CFAP107: variants seen among roughly 807,000 people sequenced by gnomAD.
CFAP107 encodes the protein cilia- and flagella-associated protein 107.
the CFAP107 span, chr1:12,759,234 C>T: frequency 1.3e-6 from 2 of 1,524,916 alleles, no homozygotes; most frequent in Non-Finnish European, 1.8e-6. Context: ...CTACATGTGG[C>T]AGCTCCTGTC....
At chr1:12,755,533 G>T in the CFAP107 span, among the ~76,000 whole-genome samples, 1 of 152,166 alleles carries the variant, frequency 6.6e-6, no homozygotes, top group Non-Finnish European at 1.5e-5. Flanking sequence ...CCGGATGGCA[G>T]GCTCCCCGTC....
the CFAP107 span, chr1:12,760,843 G>A: frequency 6.2e-7 from 1 of 1,614,172 alleles, no homozygotes; most frequent in African/African-American, 1.3e-5. Flanking sequence ...GCCTGAAGCA[G>A]AGCACTTATA....
At chr1:12,751,613 C>T in the CFAP107 span, among the ~76,000 whole-genome samples, 590 of 152,018 alleles carry the variant, frequency 3.9e-3, 3 homozygotes, top group African/African-American at 0.014. Flanking sequence ...GGTGACAGAC[C>T]GAGACTCCAT....
the CFAP107 span, chr1:12,755,593 T>C: frequency 1.3e-6 from 1 of 771,090 alleles, no homozygotes; most frequent in Non-Finnish European, 2.3e-6. Context: ...GGGTTTATAT[T>C]TACCTTTTCC....
At chr1:12,760,031 T>C in the CFAP107 span, among the ~76,000 whole-genome samples, 1 of 152,102 alleles carries the variant, frequency 6.6e-6, no homozygotes, top group African/African-American at 2.4e-5. Flanking sequence ...CACAAATTCC[T>C]CCTTGGAAAA....
chr1:12,752,736 A>G, the CFAP107 span, among the ~76,000 whole-genome samples: 5 of 152,070 alleles, frequency 3.3e-5, no homozygotes, highest in African/African-American at 1.2e-4. Flanking sequence ...CAACATAGTA[A>G]CAAAAACCCA....
the CFAP107 span, chr1:12,760,985 C>T: frequency 6.4e-7 from 1 of 1,568,734 alleles, no homozygotes; most frequent in Non-Finnish European, 8.7e-7. Flanking sequence ...CAGATAGAAT[C>T]AGCTGGAGAC....
At chr1:12,758,927 G>A in the CFAP107 span, among the ~76,000 whole-genome samples, 3 of 152,138 alleles carry the variant, frequency 2.0e-5, no homozygotes, top group African/African-American at 7.2e-5. Flanking sequence ...TTGCCCTTAG[G>A]AACAGGCTTG....
the CFAP107 span, chr1:12,761,011 C>T: frequency 1.3e-5 from 19 of 1,465,754 alleles, no homozygotes; most frequent in East Asian, 3.6e-4. Context: ...CATCACTGGA[C>T]TTGCCAGACA....
chr1:12,760,795 T>C, the CFAP107 span: 1 of 1,614,008 alleles, frequency 6.2e-7, no homozygotes, highest in Non-Finnish European at 8.5e-7. Flanking sequence ...ATGGACTCTA[T>C]GAGCAGCTCA....
At chr1:12,760,692 A>T in the CFAP107 span, 1 of 1,430,866 alleles carries the variant, frequency 7.0e-7, no homozygotes, top group Non-Finnish European at 9.5e-7. Flanking sequence ...CCTGCTGCCC[A>T]GTCTCGTGGC....
At chr1:12,763,646 T>C in the CFAP107 span, 1 of 152,244 alleles carries the variant, frequency 6.6e-6, no homozygotes, top group Non-Finnish European at 1.5e-5. Context: ...AAGCAACACA[T>C]GTTTATTTGA....
chr1:12,755,402 T>TC, the CFAP107 span, among the ~76,000 whole-genome samples: 1 of 125,010 alleles, frequency 8.0e-6, no homozygotes, highest in African/African-American at 3.4e-5. Flanking sequence ...AGACTCCATG[T>TC]CCAAAAAAAA....
the CFAP107 span, chr1:12,762,010 C>T: frequency 6.6e-6 from 1 of 152,236 alleles, no homozygotes; most frequent in East Asian, 1.9e-4. Context: ...GAAATTCCAG[C>T]AGACACCTTT....
At chr1:12,746,414 T>A in the CFAP107 span, 5 of 1,603,742 alleles carry the variant, frequency 3.1e-6, no homozygotes, top group Non-Finnish European at 4.3e-6. Flanking sequence ...CAAAGAAACC[T>A]GGGGCAAATC....
chr1:12,759,459 G>T, the CFAP107 span: 1 of 1,614,194 alleles, frequency 6.2e-7, no homozygotes, highest in South Asian at 1.1e-5. Context: ...TGCTGTGGCT[G>T]CCAGAGAAGT....
the CFAP107 span, chr1:12,755,732 C>T: frequency 6.2e-7 from 1 of 1,613,776 alleles, no homozygotes; most frequent in Non-Finnish European, 8.5e-7. Flanking sequence ...CACCCCAATC[C>T]ATTTACAGAA....
the CFAP107 span, among the ~76,000 whole-genome samples, chr1:12,758,184 C>T: frequency 6.6e-6 from 1 of 151,200 alleles, no homozygotes; most frequent in Non-Finnish European, 1.5e-5. Flanking sequence ...GCATGGCGTG[C>T]CCTTCCTCTT....
the CFAP107 span, among the ~76,000 whole-genome samples, chr1:12,757,367 C>CT: frequency 0.24 from 34,975 of 147,738 alleles, 4,248 homozygotes; most frequent in African/African-American, 0.31. Flanking sequence ...CTTTCTTTTT[C>CT]TTTTTTTTCC....
Sources: allele counts gnomAD v4.1 joint callset (sites outside exome capture counted in the v4.1 genomes callset), GRCh38; gene constraint gnomAD v4.1.1; transcripts MANE v1.5; gene names NCBI Gene and HGNC (gene_info 2026-07-23, HGNC 2026-07-21).